The following CYP46A1 variants were observed in gnomAD, a reference collection of about 807,000 sequenced individuals.
CYP46A1 encodes cholesterol 24-hydroxylase.
A neutral mutation model predicts 63.3 loss-of-function variants in CYP46A1; 20 were observed. That is an observed-to-expected ratio of 0.32 (90% CI 0.22 to 0.46). The LOEUF is 0.46. CYP46A1 is among the 20% of genes least tolerant of loss of function. CYP46A1 has a pLI of 1.00. For missense variants in CYP46A1, 445 were observed against 670.8 expected, an observed-to-expected ratio of 0.66 and a Z score of 3.72; for synonymous variants, 268 against 273.6, an observed-to-expected ratio of 0.98 and a Z score of 0.20.
At chr14:99,721,866 G>A in intron 11 of CYP46A1, 90 bp from the exon 12 acceptor site, 2 of 1,056,390 alleles carry the variant, frequency 1.9e-6, no homozygotes, top group Non-Finnish European at 2.9e-6. Flanking sequence ...CTGTGGGTGG[G>A]AAAGACAGGG....
At chr14:99,701,413 A>G (rs2056629331) in intron 5 of CYP46A1, among the ~76,000 whole-genome samples, 1 of 152,154 alleles carries the variant, frequency 6.6e-6, no homozygotes, top group Non-Finnish European at 1.5e-5. Flanking sequence ...TACCTTTTCT[A>G]TGTTTAGATA....
intron 10 of CYP46A1, among the ~76,000 whole-genome samples, chr14:99,719,200 A>G (rs1436280271): frequency 3.3e-5 from 5 of 152,042 alleles, no homozygotes; most frequent in African/African-American, 1.2e-4. Context: ...CACATTGTGA[A>G]TGTCATCCCC....
At chr14:99,706,901 A>G (rs1447216143) in intron 6 of CYP46A1, 116 bp downstream of exon 6, 29 of 1,271,622 alleles carry the variant, frequency 2.3e-5, no homozygotes, top group South Asian at 2.1e-4. Context: ...CATACCAGCA[A>G]TTCCTCTGTG....
At chr14:99,689,147 C>T (rs2056521537) in intron 1 of CYP46A1, among the ~76,000 whole-genome samples, 2 of 152,200 alleles carry the variant, frequency 1.3e-5, no homozygotes, top group Admixed American at 6.5e-5. Flanking sequence ...TACAGCCCTT[C>T]CCTGGGCTCC....
chr14:99,712,191 G>A (rs1308449037), intron 7 of CYP46A1: 1 of 152,110 alleles, frequency 6.6e-6, no homozygotes, highest in Non-Finnish European at 1.5e-5. Flanking sequence ...TACTTAGTGG[G>A]GAAAAGCTAA....
rs1315928637 is a variant in CYP46A1, at chr14:99,684,559, C to G, written c.119+23C>G. On this transcript the variant is annotated intron_variant, in intron 1 of 14. Coordinates refer to ENST00000261835, the MANE Select transcript of CYP46A1 (RefSeq NM_006668.2). ...CAGGTGAGCGGGGCTGGGGGCGGGG[C>G]CTGGCTGGGGTGCTGGGACTGGGGG... 5 of 1,436,802 alleles carry G rather than the reference C, an allele frequency of 3.5e-6. No homozygotes were observed. The South Asian group carries it at 5.5e-5, about 16-fold the overall frequency. 89.0% of individuals were successfully genotyped at this position (1,436,802 alleles called of 1,614,324 possible).
chr14:99,707,874 A>T, intron 7 of CYP46A1, 196 bp downstream of exon 7: 1 of 573,336 alleles, frequency 1.7e-6, no homozygotes, highest in South Asian at 2.2e-5. Context: ...CTTAAAGTAA[A>T]TTAGGAGTTA....
chr14:99,726,774 G>C lies in CYP46A1; in HGVS notation c.*47G>C, dbSNP rs144296616. ...GACTCCTCGGGCAAGGGCCGTGCCCGCCCACCTCTGCTGCCCACGGCCACC... is the reference window on the plus strand; with the variant it reads ...GACTCCTCGGGCAAGGGCCGTGCCCCCCCACCTCTGCTGCCCACGGCCACC... On this transcript the variant is annotated 3_prime_UTR_variant, in exon 15 of 15. Transcript: ENST00000261835. 1.0e-5 allele frequency: 14 copies of C among 1,400,458 alleles called. No individual in the cohort carries two copies. The South Asian group carries it at 1.9e-4, about 19-fold the overall frequency. 86.8% of individuals were successfully genotyped at this position (1,400,458 alleles called of 1,614,324 possible).
chr14:99,726,209 C>G lies in CYP46A1; in HGVS notation c.1285C>G (p.Pro429Ala). 1 of 1,613,970 alleles carries G rather than the reference C, an allele frequency of 6.2e-7. No homozygotes were observed. Among genetic ancestry groups the G allele is most frequent in the Non-Finnish European group, 8.5e-7 (1 of 1,179,974 alleles). The part of the protein sequence containing the change: ...GAPKPRFTYF[P>A]FSLGHRSCIG... The stretch of plus-strand genomic sequence containing the variant: ...CTGCAGGCCACGGTTCACCTACTTC[C>G]CCTTCTCCCTGGGCCACCGCTCCTG... Residue 429 changes from proline (P) to alanine (A), a missense_variant, in exon 14 of 15, where the codon CCC becomes GCC. Physicochemically the swap from Pro to Ala is conservative, Grantham distance 27 (BLOSUM62 -1). Coordinates refer to ENST00000261835, the MANE Select transcript of CYP46A1 (RefSeq NM_006668.2).
intron 5 of CYP46A1, 191 bp from the exon 6 acceptor site, chr14:99,706,456 G>GA (rs1268244156): frequency 4.8e-6 from 3 of 631,282 alleles, no homozygotes; most frequent in Non-Finnish European, 8.1e-6. Context: ...GGAGAATGGT[G>GA]AAACCCCAGG....
chr14:99,705,894 C>T (rs2056671688), intron 5 of CYP46A1: 1 of 152,270 alleles, frequency 6.6e-6, no homozygotes, highest in Admixed American at 6.5e-5. Context: ...CACTGCATTC[C>T]AACCTGCATG....
intron 1 of CYP46A1, among the ~76,000 whole-genome samples, chr14:99,690,483 A>G (rs1009125880): frequency 6.6e-6 from 1 of 152,200 alleles, no homozygotes; most frequent in African/African-American, 2.4e-5. Context: ...CTTGGTAGGA[A>G]TAAAGTCATA....
intron 7 of CYP46A1, among the ~76,000 whole-genome samples, chr14:99,714,760 CA>C (rs35534717): frequency 2.4e-3 from 243 of 102,122 alleles, no homozygotes; most frequent in African/African-American, 3.8e-3. Context: ...AACCCCATCT[CA>C]AAAAAAAAAA....
intron 5 of CYP46A1, among the ~76,000 whole-genome samples, chr14:99,704,880 G>T (rs980475496): frequency 2.6e-5 from 4 of 152,176 alleles, no homozygotes; most frequent in Non-Finnish European, 5.9e-5. Context: ...TGATGGTTGT[G>T]GGGGATAGAG....
At chr14:99,692,122 G>GCA (rs924127987) in intron 3 of CYP46A1, among the ~76,000 whole-genome samples, 9 of 152,310 alleles carry the variant, frequency 5.9e-5, no homozygotes, top group African/African-American at 1.9e-4. Context: ...CCCAACTAGT[G>GCA]CACACACGTT....
At chr14:99,701,620 GACTGTACTTT>G (rs2056631353) in intron 5 of CYP46A1, among the ~76,000 whole-genome samples, 2 of 152,162 alleles carry the variant, frequency 1.3e-5, no homozygotes, top group Non-Finnish European at 2.9e-5. Flanking sequence ...AGTAACACAT[GACTGTACTTT>G]ACTTTTTAAA....
intron 11 of CYP46A1, 91 bp from the exon 12 acceptor site, chr14:99,721,865 G>A: frequency 9.7e-7 from 1 of 1,029,048 alleles, no homozygotes; most frequent in Non-Finnish European, 1.5e-6. Context: ...CCTGTGGGTG[G>A]GAAAGACAGG....
chr14:99,725,508 T>A lies in CYP46A1; in HGVS notation c.1265+29T>A. 1 of 1,561,554 alleles carries A rather than the reference T, an allele frequency of 6.4e-7. No individual in the cohort carries two copies. Among genetic ancestry groups the A allele is most frequent in the Admixed American group, 1.7e-5 (1 of 59,924 alleles). ...AGTCCCTCCTGGAGCTGCCCATGAG[T>A]GGGGCTGGCGGGAGAAGGACAGACA... On this transcript the variant is annotated intron_variant, in intron 13 of 14. Transcript: ENST00000261835. This position sits in a 1 kb window ranked among gnomAD's most constrained non-coding sequence, Gnocchi z 4.2.
rs759997989 is a variant in CYP46A1 at position 99,718,076 on chromosome 14, C to T, written c.930C>T (p.His310=). ...FIAGHETSAN[H]LAFTVMELSR... ...CAGGTCACGAGACCTCTGCCAACCA[C>T]TTGGCGTTCACAGTGATGGAGCTGT... Residue 310 remains histidine, a synonymous_variant, in exon 10 of 15, where the codon CAC becomes CAT. Coordinates refer to ENST00000261835, the MANE Select transcript of CYP46A1 (RefSeq NM_006668.2). 5 of 1,614,172 alleles carry T rather than the reference C, an allele frequency of 3.1e-6. No homozygotes were observed. Among genetic ancestry groups the T allele is most frequent in the Non-Finnish European group, 4.2e-6 (5 of 1,179,974 alleles).
Sources: allele counts gnomAD v4.1 joint callset (sites outside exome capture counted in the v4.1 genomes callset), GRCh38; gene constraint gnomAD v4.1.1; non-coding constraint Gnocchi (gnomAD v3.1); transcripts MANE v1.5; gene names NCBI Gene and HGNC (gene_info 2026-07-23, HGNC 2026-07-21).